CASQ2: variants seen among roughly 807,000 people sequenced by gnomAD.
CASQ2 encodes calsequestrin 2.
CASQ2 carries 49 observed loss-of-function variants against 46.5 expected under a neutral mutation model. That is an observed-to-expected ratio of 1.05 (90% CI 0.84 to 1.34). The LOEUF (loss-of-function observed/expected upper bound fraction) is 1.34, where lower values mean the gene tolerates loss of function less well. Among genes scored for constraint, CASQ2 ranks in the 40% most tolerant of loss-of-function variants. The pLI is 0.00. For missense variants in CASQ2, 486 were observed against 481.3 expected (o/e 1.01, Z -0.09); for synonymous variants, 174 against 168.5 (o/e 1.03, Z -0.25).
intron 1 of CASQ2, among the ~76,000 whole-genome samples, chr1:115,756,581 A>G (rs536517472): frequency 6.6e-6 from 1 of 152,316 alleles, no homozygotes; most frequent in African/African-American, 2.4e-5. Flanking sequence ...TTACTGCCTT[A>G]TATCATAATA....
chr1:115,725,546 G>C lies in CASQ2; in HGVS notation c.745C>G (p.Leu249Val), dbSNP rs748981981. Residue 249 changes from leucine to valine, a missense_variant, in exon 7 of 11, where the codon CTA becomes GTA. Coordinates refer to ENST00000261448, the MANE Select transcript of CASQ2 (RefSeq NM_001232.4). ...ATTTCTTCTGGGCGCAGGCGACGTA[G>C]AGTGGGTCTGGAAAAAAAAAAAAAA... is the stretch of plus-strand genomic sequence containing the variant. ...EFVKEHQRPTLRRLRPEEMFE... is the reference protein window; with the variant it reads ...EFVKEHQRPTVRRLRPEEMFE... 3 of 1,212,102 alleles carry C rather than the reference G, an allele frequency of 2.5e-6. No individual in the cohort carries two copies. The highest frequency in any genetic ancestry group is 3.5e-6 in the Non-Finnish European group (3 of 846,396). The allele number at this position is 1,212,102 out of a possible 1,614,324, so 75.1% of individuals were successfully genotyped here. A position where few individuals can be genotyped will look rare whatever the true frequency, so the allele number is the denominator to read the frequency against.
intron 7 of CASQ2, among the ~76,000 whole-genome samples, chr1:115,725,121 C>T (rs1318944960): frequency 6.6e-6 from 1 of 152,146 alleles, no homozygotes; most frequent in Non-Finnish European, 1.5e-5. Context: ...GGCTGGAGCG[C>T]AGTGCCAGGA....
intron 1 of CASQ2, among the ~76,000 whole-genome samples, chr1:115,763,629 C>A (rs1397994664): frequency 2.6e-5 from 4 of 152,184 alleles, no homozygotes; most frequent in Admixed American, 1.3e-4. Flanking sequence ...CTTCTGTGTG[C>A]CAGAGCTATG....
At chr1:115,741,171 C>T (rs1379277985) in intron 2 of CASQ2, among the ~76,000 whole-genome samples, 2 of 152,202 alleles carry the variant, frequency 1.3e-5, no homozygotes, top group Non-Finnish European at 2.9e-5. Flanking sequence ...ACTCCTTAAC[C>T]TTGCTTTAAA....
chr1:115,739,124 C>CTTTTTTTCTTTTTTTTTTT, intron 3 of CASQ2, among the ~76,000 whole-genome samples: 1 of 99,588 alleles, frequency 1.0e-5, no homozygotes, highest in East Asian at 3.4e-4. Flanking sequence ...TCTTTTCTTT[C>CTTTTTTTCTTTTTTTTTTT]TTTTTGAGAT....
At chr1:115,739,645 G>T (rs994328837) in intron 3 of CASQ2, among the ~76,000 whole-genome samples, 1 of 152,190 alleles carries the variant, frequency 6.6e-6, no homozygotes, top group Non-Finnish European at 1.5e-5. Context: ...TGTTCCTACT[G>T]CTGGCCATCT....
chr1:115,760,276 T>G (rs1648892566), intron 1 of CASQ2, among the ~76,000 whole-genome samples: 1 of 152,210 alleles, frequency 6.6e-6, no homozygotes, highest in South Asian at 2.1e-4. Flanking sequence ...GTCACAGTGC[T>G]TTGCAAACTT....
intron 1 of CASQ2, among the ~76,000 whole-genome samples, chr1:115,761,464 GAGA>G (rs1311324873): frequency 1.8e-4 from 1 of 5,644 alleles, no homozygotes; most frequent in Non-Finnish European, 3.1e-4. Flanking sequence ...GAAGAAGAAG[GAGA>G]AGAAGAAGAA....
intron 2 of CASQ2, among the ~76,000 whole-genome samples, chr1:115,744,294 G>A (rs934482532): frequency 1.3e-5 from 2 of 152,158 alleles, no homozygotes; most frequent in African/African-American, 2.4e-5. Context: ...TCCATGTGCG[G>A]TCACTTAACC....
intron 1 of CASQ2, among the ~76,000 whole-genome samples, chr1:115,759,277 G>T (rs566885219): frequency 4.6e-5 from 7 of 152,272 alleles, no homozygotes; most frequent in African/African-American, 1.7e-4. Context: ...GAGGTGTTTG[G>T]GTTATGTGGG....
At chr1:115,755,821 A>C (rs538290290) in intron 1 of CASQ2, among the ~76,000 whole-genome samples, 63 of 152,220 alleles carry the variant, frequency 4.1e-4, no homozygotes, top group African/African-American at 1.5e-3. Flanking sequence ...AGATTTTATA[A>C]AGGAAGCACT....
chr1:115,767,055 C>G (rs1266874126), intron 1 of CASQ2, among the ~76,000 whole-genome samples: 1 of 152,128 alleles, frequency 6.6e-6, no homozygotes, highest in Non-Finnish European at 1.5e-5. Context: ...AGGGGAGAAT[C>G]CTTATGCCTT....
intron 1 of CASQ2, among the ~76,000 whole-genome samples, chr1:115,755,878 C>G (rs1254544018): frequency 6.6e-6 from 1 of 152,234 alleles, no homozygotes; most frequent in Non-Finnish European, 1.5e-5. Flanking sequence ...ACAGCTAGTG[C>G]AAGGACTCAA....
At chr1:115,704,264 A>G (rs1416316565) in intron 9 of CASQ2, among the ~76,000 whole-genome samples, 1 of 152,230 alleles carries the variant, frequency 6.6e-6, no homozygotes, top group Non-Finnish European at 1.5e-5. Context: ...TTCATAACCT[A>G]ATGATAACTA....
At chr1:115,742,868 A>C (rs1648239788) in intron 2 of CASQ2, among the ~76,000 whole-genome samples, 1 of 151,960 alleles carries the variant, frequency 6.6e-6, no homozygotes, top group Non-Finnish European at 1.5e-5. Context: ...GGCTCACTGC[A>C]AGCTCTGCCT....
intron 7 of CASQ2, among the ~76,000 whole-genome samples, chr1:115,724,644 C>T (rs1464097470): frequency 6.6e-6 from 1 of 152,196 alleles, no homozygotes; most frequent in African/African-American, 2.4e-5. Context: ...TTTGAGCTGC[C>T]TGACATATTA....
intron 4 of CASQ2, among the ~76,000 whole-genome samples, chr1:115,737,914 T>C (rs1648021437): frequency 6.6e-6 from 1 of 152,192 alleles, no homozygotes; most frequent in Non-Finnish European, 1.5e-5. Context: ...TGTCCCATTG[T>C]AGGGGAGAAT....
chr1:115,749,129 A>G (rs921681159), intron 1 of CASQ2, among the ~76,000 whole-genome samples: 52 of 152,234 alleles, frequency 3.4e-4, no homozygotes, highest in African/African-American at 1.2e-3. Flanking sequence ...TGGGCTCTTT[A>G]AGCCCCTCTC....
intron 5 of CASQ2, chr1:115,732,346 T>A (rs1015305041): frequency 2.6e-5 from 4 of 156,322 alleles, no homozygotes; most frequent in African/African-American, 9.6e-5. Context: ...AGAGCACTCT[T>A]CTGGATCATA....
Sources: allele counts gnomAD v4.1 joint callset (sites outside exome capture counted in the v4.1 genomes callset), GRCh38; gene constraint gnomAD v4.1.1; transcripts MANE v1.5; gene names NCBI Gene and HGNC (gene_info 2026-07-23, HGNC 2026-07-21).